CDK15: variants seen among roughly 807,000 people sequenced by gnomAD.
CDK15 encodes cyclin dependent kinase 15, also known as cyclin-dependent kinase 15.
CDK15 carries 62 observed loss-of-function variants against 60.3 expected under a neutral mutation model. The ratio of observed to expected loss-of-function variants is 1.03; its 90% CI spans 0.84 to 1.27. The LOEUF is 1.27. CDK15 is among the 50% of genes most tolerant of loss of function. The probability of loss-of-function intolerance (pLI) is 0.00; values close to 1 mark genes in which losing one functional copy is unlikely to be tolerated. For synonymous variants in CDK15, 194 were observed against 195.7 expected (o/e 0.99, Z 0.07); for missense variants, 541 against 527.8 (o/e 1.03, Z -0.25).
chr2:201,862,041 C>G (rs772640059), intron 10 of CDK15, among the ~76,000 whole-genome samples: 1 of 152,188 alleles, frequency 6.6e-6, no homozygotes, highest in Non-Finnish European at 1.5e-5. Flanking sequence ...TGGCCTAAAC[C>G]TTGCCTGAAT....
At chr2:201,842,585 A>G (rs572421169) in intron 8 of CDK15, among the ~76,000 whole-genome samples, 16 of 152,268 alleles carry the variant, frequency 1.1e-4, no homozygotes, top group Non-Finnish European at 2.2e-4. Flanking sequence ...ACATTTTGAT[A>G]TTCTCCTTGC....
chr2:201,822,495 G>A (rs539213163), intron 4 of CDK15, among the ~76,000 whole-genome samples: 13 of 152,320 alleles, frequency 8.5e-5, no homozygotes, highest in African/African-American at 3.1e-4. Flanking sequence ...CTCTGAAGCT[G>A]GATTGATGAG....
At chr2:201,880,854 T>G (rs1326872535) in intron 12 of CDK15, among the ~76,000 whole-genome samples, 1 of 133,502 alleles carries the variant, frequency 7.5e-6, no homozygotes, top group Non-Finnish European at 1.6e-5. Flanking sequence ...CATGGGGGAC[T>G]ATCCTTAGGT....
At chr2:201,863,027 G>A (rs1438556254) in intron 10 of CDK15, among the ~76,000 whole-genome samples, 2 of 152,116 alleles carry the variant, frequency 1.3e-5, no homozygotes, top group African/African-American at 2.4e-5. Flanking sequence ...AGCCACTGGC[G>A]TTCACTGAAT....
At chr2:201,860,596 C>A in intron 10 of CDK15, 1 of 834,712 alleles carries the variant, frequency 1.2e-6, no homozygotes, top group Non-Finnish European at 1.6e-6. Context: ...AGTTTTTCCA[C>A]TAGAAGAACG....
intron 11 of CDK15, among the ~76,000 whole-genome samples, chr2:201,878,666 T>C (rs1050486661): frequency 2.6e-5 from 4 of 152,156 alleles, no homozygotes; most frequent in African/African-American, 9.7e-5. Flanking sequence ...ACAAAATACC[T>C]TAACTGAGTG....
intron 8 of CDK15, among the ~76,000 whole-genome samples, chr2:201,846,557 CT>C (rs967137174): frequency 2.7e-5 from 4 of 148,220 alleles, no homozygotes; most frequent in East Asian, 3.9e-4. Flanking sequence ...AAGAAAAGTC[CT>C]TTTTTTTTCT....
intron 8 of CDK15, among the ~76,000 whole-genome samples, chr2:201,840,763 A>G (rs1697340022): frequency 6.6e-6 from 1 of 152,166 alleles, no homozygotes. Flanking sequence ...TAGCCTTATT[A>G]TCTTCCTTTT....
intron 11 of CDK15, among the ~76,000 whole-genome samples, chr2:201,874,741 G>T (rs533162566): frequency 1.3e-5 from 2 of 152,152 alleles, no homozygotes; most frequent in South Asian, 2.1e-4. Flanking sequence ...TAGTAGGTAC[G>T]CACTCACTTT....
At chr2:201,861,033 T>C in intron 10 of CDK15, 1 of 1,156,714 alleles carries the variant, frequency 8.6e-7, no homozygotes, top group Admixed American at 3.7e-5. Context: ...GTATGAGCTA[T>C]TAGCCAAGGG....
chr2:201,810,203 A>T (rs761356016), intron 3 of CDK15, among the ~76,000 whole-genome samples: 11 of 152,202 alleles, frequency 7.2e-5, no homozygotes, highest in Admixed American at 2.0e-4. Context: ...TAAGGCAAAC[A>T]AAAGAAACTG....
chr2:201,845,621 G>A (rs1315315913), intron 8 of CDK15, among the ~76,000 whole-genome samples: 2 of 149,540 alleles, frequency 1.3e-5, no homozygotes, highest in Non-Finnish European at 3.0e-5. Context: ...CCATATGTCT[G>A]CAGTCAGATG....
At chr2:201,888,606 C>A in intron 12 of CDK15, 1 of 1,429,138 alleles carries the variant, frequency 7.0e-7, no homozygotes. Flanking sequence ...TTCTTTCTTC[C>A]TCCTTTTTCT....
chr2:201,867,776 C>T (rs886709708), intron 10 of CDK15, among the ~76,000 whole-genome samples: 1 of 152,126 alleles, frequency 6.6e-6, no homozygotes, highest in Non-Finnish European at 1.5e-5. Context: ...GAGAACCTAC[C>T]TCTCCAAAAT....
At chr2:201,817,006 C>T (rs1219579282) in intron 4 of CDK15, among the ~76,000 whole-genome samples, 2 of 152,242 alleles carry the variant, frequency 1.3e-5, no homozygotes, top group East Asian at 3.8e-4. Flanking sequence ...CTACTCTGGG[C>T]ACACTGCCTA....
intron 10 of CDK15, among the ~76,000 whole-genome samples, chr2:201,858,947 CA>C (rs1698264426): frequency 6.6e-6 from 1 of 152,162 alleles, no homozygotes; most frequent in Non-Finnish European, 1.5e-5. Flanking sequence ...CCTCCTCCGG[CA>C]GCACACCCCC....
At chr2:201,827,120 G>T (rs980243782) in intron 6 of CDK15, among the ~76,000 whole-genome samples, 1 of 152,190 alleles carries the variant, frequency 6.6e-6, no homozygotes, top group Non-Finnish European at 1.5e-5. Context: ...AAATATATTG[G>T]GTAGGTGGCT....
In CDK15 at chr2:201,880,096, T is replaced by C. The variant is rs2105831992; in HGVS notation, c.1127T>C (p.Val376Ala). ...QMLKGFPRDR[V>A]SAQEALVHDY... Reference sequence around the variant, plus strand: ...CTAAAAGGCTTTCCCAGAGACCGCGTCTCCGCCCAGGAAGCACTTGTTCAT... The same window carrying C: ...CTAAAAGGCTTTCCCAGAGACCGCGCCTCCGCCCAGGAAGCACTTGTTCAT... The change falls in exon 12 of 14, where the codon GTC (valine) becomes GCC (alanine). Residue 376 changes from valine (V) to alanine (A), a missense_variant. Transcript: ENST00000652192. 1 of 1,614,048 alleles carries C rather than the reference T, an allele frequency of 6.2e-7. No individual in the cohort carries two copies. Among genetic ancestry groups the C allele is most frequent in the East Asian group, 2.2e-5 (1 of 44,870 alleles).
intron 2 of CDK15, 59 bp downstream of exon 2, chr2:201,807,702 C>T (rs1212727488): frequency 8.1e-6 from 13 of 1,601,216 alleles, no homozygotes; most frequent in Admixed American, 1.7e-5. Context: ...CTACGGAGGC[C>T]GGCCCTTGCT....
Sources: gnomAD v4.1 joint callset for allele counts (sites outside exome capture counted in the v4.1 genomes callset) on GRCh38, gnomAD v4.1.1 for gene constraint, MANE v1.5 for transcripts, NCBI Gene and HGNC (gene_info 2026-07-23, HGNC 2026-07-21) for gene names.